DMD: variants seen among roughly 807,000 people sequenced by gnomAD.
DMD encodes the protein mutant dystrophin.
Under a neutral mutation model 330.1 loss-of-function variants are expected in DMD, and 63 were observed. That is an observed-to-expected ratio of 0.19 (90% CI 0.16 to 0.24). The LOEUF (loss-of-function observed/expected upper bound fraction) is 0.24, where lower values mean the gene tolerates loss of function less well. DMD is among the 10% of genes least tolerant of loss of function. The pLI is 1.00. For missense variants in DMD, 3,344 were observed against 2,684.1 expected, an observed-to-expected ratio of 1.25 and a Z score of -5.43; for synonymous variants, 1,223 against 959.8, an observed-to-expected ratio of 1.27 and a Z score of -5.07.
chrX:33,010,134 A>G (rs1196851636), intron 2 of DMD, among the ~76,000 whole-genome samples: 1 of 103,484 alleles, frequency 9.7e-6, no homozygotes, highest in African/African-American at 3.5e-5. Flanking sequence ...GTATATATGT[A>G]TATATACGTG....
chrX:32,228,468 C>A (rs967062279), intron 43 of DMD, among the ~76,000 whole-genome samples: 4 of 111,379 alleles, frequency 3.6e-5, no homozygotes, highest in African/African-American at 1.3e-4. Context: ...CAATTAGCAC[C>A]CTGTAAAAAT....
chrX:32,168,233 C>T (rs1020483705), intron 44 of DMD, among the ~76,000 whole-genome samples: 1 of 111,553 alleles, frequency 9.0e-6, no homozygotes, highest in Non-Finnish European at 1.9e-5. Context: ...AGATGCCTAA[C>T]CTGATTCCTA....
At chrX:32,009,043 T>C (rs2095685501) in intron 44 of DMD, among the ~76,000 whole-genome samples, 1 of 111,382 alleles carries the variant, frequency 9.0e-6, no homozygotes, top group South Asian at 3.8e-4. Context: ...CATAGCGGTA[T>C]AGTGAGAGAT....
intron 44 of DMD, among the ~76,000 whole-genome samples, chrX:32,002,124 T>C (rs1337422342): frequency 9.0e-6 from 1 of 111,687 alleles, no homozygotes; most frequent in Non-Finnish European, 1.9e-5. Context: ...CTGTTTGCAC[T>C]ATCCTTTTAC....
rs902746490 is a variant in DMD, at chrX:32,644,408, C to T, written c.1150-95G>A. 24 of 939,997 alleles carry T rather than the reference C, an allele frequency of 2.6e-5. No individual in the cohort carries two copies. The African/African-American group carries it at 2.9e-4, about 11-fold the overall frequency. 77.5% of individuals were successfully genotyped at this position (939,997 alleles called of 1,213,427 possible). A position where few individuals can be genotyped will look rare whatever the true frequency, so the allele number is the denominator to read the frequency against. ...TGTTTGCAGTTTTAAACTTGTGGCC[C>T]ATTTAGATTTATATTCCCAGTAAAA... On this transcript the variant is annotated intron_variant, in intron 10 of 78. Transcript: ENST00000357033.
chrX:31,674,680 A>T (rs2148707521), intron 53 of DMD, among the ~76,000 whole-genome samples: 1 of 112,479 alleles, frequency 8.9e-6, no homozygotes, highest in East Asian at 2.8e-4. Context: ...GGGAAAAAAT[A>T]AATGAAAACT....
In DMD at chrX:32,055,384, G is replaced by GT. The variant is rs1471912143; in HGVS notation, c.6439-86871dup. The stretch of plus-strand genomic sequence containing the variant: ...AAAACGATGTGACATTCAATTTATA[G>GT]TAACAGATTCAAAAAGCATATTTAA... On this transcript the variant is annotated intron_variant, in intron 44 of 78. Coordinates refer to ENST00000357033, the MANE Select transcript of DMD (RefSeq NM_004006.3). 6.2e-5 allele frequency among the ~76,000 whole-genome samples: 7 copies of GT among 112,073 alleles called. No individual in the cohort carries two copies. In the Admixed American group the frequency reaches 6.6e-4, roughly 11 times the overall value.
In DMD at chrX:32,565,809, AAAG is replaced by A. The variant is rs767034345; in HGVS notation, c.1882_1884del (p.Leu628del). On this transcript the variant is annotated inframe_deletion, in exon 16 of 79. Coordinates refer to ENST00000357033, the MANE Select transcript of DMD (RefSeq NM_004006.3). ...GTCACTGACTTATTCTTCAGTGTTG[AAAG>A]AAGATCTTGTTTGAGTGAATACAGT... is the stretch of plus-strand genomic sequence containing the variant. 3.3e-6 allele frequency: 4 copies of A among 1,211,252 alleles called. No individual in the cohort carries two copies. Among genetic ancestry groups the A allele is most frequent in the East Asian group, 5.9e-5 (2 of 33,817 alleles).
chrX:31,836,708 G>A lies in DMD; in HGVS notation c.7200+10C>T. On this transcript the variant is annotated intron_variant, in intron 49 of 78. Transcript: ENST00000357033. ...GAGGTAATGGATATTGCTAGAGGTT[G>A]CTTCATTACCTTCACTGGCTGAGTG... The A allele has an allele frequency of 2.5e-6, 3 of 1,189,455 alleles. No individual in the cohort carries two copies. The highest frequency in any genetic ancestry group is 3.4e-6 in the Non-Finnish European group (3 of 875,172).
At chrX:31,605,367 G>T (rs987314543) in intron 55 of DMD, among the ~76,000 whole-genome samples, 1 of 111,890 alleles carries the variant, frequency 8.9e-6, no homozygotes, top group East Asian at 2.8e-4. Context: ...TAAGACATGT[G>T]CTGATAACCT....
intron 42 of DMD, among the ~76,000 whole-genome samples, chrX:32,306,365 T>C (rs1346087964): frequency 9.0e-6 from 1 of 111,143 alleles, no homozygotes; most frequent in Non-Finnish European, 1.9e-5. Flanking sequence ...TCACACTATC[T>C]TTGGCTTATA....
At chrX:31,303,035 G>A (rs1345628676) in intron 62 of DMD, among the ~76,000 whole-genome samples, 2 of 111,866 alleles carry the variant, frequency 1.8e-5, no homozygotes, top group African/African-American at 3.2e-5. Context: ...CATTCAAGAT[G>A]AAATTCCGAT....
chrX:32,483,247 T>A (rs1203314222), intron 21 of DMD, among the ~76,000 whole-genome samples: 1 of 100,206 alleles, frequency 1.0e-5, no homozygotes, highest in Non-Finnish European at 2.0e-5. Flanking sequence ...GATGTGTAGC[T>A]ACAGTGGAAG....
intron 30 of DMD, among the ~76,000 whole-genome samples, chrX:32,409,511 A>T (rs1174390013): frequency 9.0e-6 from 1 of 111,633 alleles, no homozygotes; most frequent in Non-Finnish European, 1.9e-5. Context: ...ATAAGAAAAA[A>T]CACACAGTGC....
intron 63 of DMD, among the ~76,000 whole-genome samples, chrX:31,241,711 T>C (rs1808836453): frequency 2.7e-5 from 3 of 111,202 alleles, no homozygotes; most frequent in African/African-American, 9.8e-5. Context: ...CCTTCCCCCA[T>C]TGCTATCCTA....
At chrX:32,362,071 A>G (rs2097837912) in intron 37 of DMD, among the ~76,000 whole-genome samples, 1 of 111,838 alleles carries the variant, frequency 8.9e-6, no homozygotes, top group African/African-American at 3.2e-5. Context: ...ATCATACACA[A>G]ATATAAAGTC....
chrX:33,333,905 G>A (rs1184491697), intron 1 of DMD, among the ~76,000 whole-genome samples: 3 of 110,975 alleles, frequency 2.7e-5, no homozygotes, highest in African/African-American at 9.8e-5. Context: ...TGTTATAAAA[G>A]TAAGTCTCTA....
At chrX:32,129,728 G>GAGAGA (rs1569545527) in intron 44 of DMD, among the ~76,000 whole-genome samples, 3 of 21,421 alleles carry the variant, frequency 1.4e-4, no homozygotes, top group Admixed American at 6.5e-4. Context: ...AGAGAGGGAG[G>GAGAGA]GAGAGAGAGA....
At chrX:31,838,376 C>T (rs1268295221) in intron 48 of DMD, among the ~76,000 whole-genome samples, 2 of 111,727 alleles carry the variant, frequency 1.8e-5, no homozygotes, top group Admixed American at 1.9e-4. Flanking sequence ...AATTTTCAAC[C>T]TATACATTTA....
Sources: gnomAD v4.1 joint callset for allele counts (sites outside exome capture counted in the v4.1 genomes callset) on GRCh38, gnomAD v4.1.1 for gene constraint, MANE v1.5 for transcripts, NCBI Gene and HGNC (gene_info 2026-07-23, HGNC 2026-07-21) for gene names.